The following MTAP variants were observed in gnomAD, a reference collection of about 807,000 sequenced individuals.
MTAP encodes methylthioadenosine phosphorylase.
MTAP carries 33 observed loss-of-function variants against 33.6 expected under a neutral mutation model. The observed-to-expected ratio is 0.98, with a 90% CI of 0.74 to 1.31. The LOEUF (loss-of-function observed/expected upper bound fraction) is 1.31. Among genes scored for constraint, MTAP ranks in the 40% most tolerant of loss-of-function variants. The pLI, the probability that MTAP is intolerant of heterozygous loss-of-function variation, is 0.00. For missense variants in MTAP, 367 were observed against 360.0 expected (o/e 1.02, Z -0.16); for synonymous variants, 148 against 125.7 (o/e 1.18, Z -1.19).
chr9:21,917,169 A>G (rs1320908399), intron 1 of MTAP, among the ~76,000 whole-genome samples: 1 of 152,226 alleles, frequency 6.6e-6, no homozygotes, highest in Non-Finnish European at 1.5e-5. Flanking sequence ...CAGGGGAAAT[A>G]CAAAGAGTCC....
intron 5 of MTAP, among the ~76,000 whole-genome samples, chr9:21,838,697 G>A (rs866442053): frequency 6.6e-6 from 1 of 152,228 alleles, no homozygotes; most frequent in Non-Finnish European, 1.5e-5. Flanking sequence ...GGTGGTATAA[G>A]GGGTGGAATC....
chr9:21,927,875 C>A (rs551945902), intron 1 of MTAP, among the ~76,000 whole-genome samples: 1 of 152,344 alleles, frequency 6.6e-6, no homozygotes, highest in African/African-American at 2.4e-5. Flanking sequence ...TTGGAATACT[C>A]CTATTACATA....
intron 4 of MTAP, among the ~76,000 whole-genome samples, chr9:21,837,030 A>T (rs1292641479): frequency 6.6e-6 from 1 of 152,124 alleles, no homozygotes; most frequent in Non-Finnish European, 1.5e-5. Context: ...CATCAGTTCA[A>T]ATTTAGAATA....
intron 7 of MTAP, chr9:21,859,651 A>G (rs2118556415): frequency 2.4e-6 from 1 of 410,066 alleles, no homozygotes; most frequent in East Asian, 4.2e-5. Flanking sequence ...AGAGAGTTTT[A>G]TTATCTCGTG....
intron 1 of MTAP, among the ~76,000 whole-genome samples, chr9:21,884,991 A>G (rs191506133): frequency 2.2e-4 from 34 of 152,294 alleles, no homozygotes; most frequent in Middle Eastern, 3.4e-3. Flanking sequence ...GGAAAGGGTT[A>G]TGATAGAGAA....
downstream of MTAP, among the ~76,000 whole-genome samples, chr9:21,869,310 T>A (rs977097834): frequency 2.0e-5 from 3 of 152,192 alleles, no homozygotes; most frequent in Non-Finnish European, 4.4e-5. Flanking sequence ...GGTCACCGAT[T>A]TACTGCATGT....
intron 7 of MTAP, chr9:21,860,361 C>T (rs1207887794): frequency 6.6e-6 from 1 of 152,226 alleles, no homozygotes; most frequent in Non-Finnish European, 1.5e-5. Context: ...ATACACACAG[C>T]TCTTGCAAGC....
chr9:21,919,585 TGA>T (rs1818753021), intron 1 of MTAP, among the ~76,000 whole-genome samples: 2 of 152,202 alleles, frequency 1.3e-5, no homozygotes, highest in African/African-American at 4.8e-5. Flanking sequence ...TAAAACACTG[TGA>T]GGTTCAAGGG....
intron 1 of MTAP, among the ~76,000 whole-genome samples, chr9:21,925,980 C>A (rs973936367): frequency 2.6e-5 from 4 of 152,114 alleles, no homozygotes; most frequent in Non-Finnish European, 5.9e-5. Flanking sequence ...TTTTCTCATT[C>A]ATTTTTAATG....
chr9:21,802,886 C>G (rs946544187), intron 1 of MTAP, 105 bp downstream of exon 1: 22 of 1,500,344 alleles, frequency 1.5e-5, no homozygotes, highest in Non-Finnish European at 1.9e-5. Context: ...GCCCGTGCGT[C>G]CCTTGCCGCC....
downstream of MTAP, among the ~76,000 whole-genome samples, chr9:21,868,399 T>C (rs1247912543): frequency 6.6e-6 from 1 of 152,148 alleles, no homozygotes; most frequent in East Asian, 1.9e-4. Flanking sequence ...ATGCCACATA[T>C]GTAATACTTA....
chr9:21,869,865 G>A (rs977486850), downstream of MTAP, among the ~76,000 whole-genome samples: 2 of 151,728 alleles, frequency 1.3e-5, no homozygotes, highest in Non-Finnish European at 2.9e-5. Context: ...AGAATGATCT[G>A]TACAAAATGC....
At chr9:21,842,502 A>G (rs1316379807) in intron 5 of MTAP, among the ~76,000 whole-genome samples, 3 of 152,228 alleles carry the variant, frequency 2.0e-5, no homozygotes, top group Non-Finnish European at 4.4e-5. Context: ...ACTGTGAGAC[A>G]AAAACATCAG....
intron 1 of MTAP, among the ~76,000 whole-genome samples, chr9:21,916,838 GAAA>G (rs895514474): frequency 1.3e-5 from 2 of 151,406 alleles, no homozygotes; most frequent in African/African-American, 4.9e-5. Flanking sequence ...AACTGTGAAA[GAAA>G]AAAAAATCTG....
At chr9:21,830,472 G>A (rs1467850126) in intron 4 of MTAP, among the ~76,000 whole-genome samples, 1 of 152,164 alleles carries the variant, frequency 6.6e-6, no homozygotes, top group South Asian at 2.1e-4. Context: ...AAGTCATTTG[G>A]CCACTGAGGG....
chr9:21,841,868 GT>G (rs1320592619), intron 5 of MTAP, among the ~76,000 whole-genome samples: 1 of 152,166 alleles, frequency 6.6e-6, no homozygotes, highest in Non-Finnish European at 1.5e-5. Flanking sequence ...ACAAAATGGG[GT>G]TCTGTAACAC....
At position 21,922,167 on chromosome 9, in the gene MTAP, T is replaced by A. The variant is rs1021809984; in HGVS notation, c.148-8841T>A. 2.0e-5 allele frequency among the ~76,000 whole-genome samples: 3 copies of A among 151,750 alleles called. No homozygotes were observed. Among genetic ancestry groups the A allele is most frequent in the Non-Finnish European group, 4.4e-5 (3 of 67,964 alleles). ...CAGAGTTTAACTGGTGTATGACCAGTTCCTCTAGGAACACTTGACTGGCAA... is the reference window on the plus strand; with the variant it reads ...CAGAGTTTAACTGGTGTATGACCAGATCCTCTAGGAACACTTGACTGGCAA... On this transcript the variant is annotated intron_variant, in intron 1 of 1. Transcript: ENST00000577563. This position sits in a 1 kb window ranked among gnomAD's most constrained non-coding sequence, Gnocchi z 4.8.
downstream of MTAP, among the ~76,000 whole-genome samples, chr9:21,939,229 T>G (rs1443839313): frequency 6.6e-6 from 1 of 152,236 alleles, no homozygotes; most frequent in East Asian, 1.9e-4. Context: ...GTAAGTCCAA[T>G]TAAACCTCTT....
At chr9:21,871,167 G>T (rs977830431), downstream of MTAP, among the ~76,000 whole-genome samples, 1 of 152,220 alleles carries the variant, frequency 6.6e-6, no homozygotes, top group East Asian at 1.9e-4. Flanking sequence ...TTGTTCCAGT[G>T]ATTTTGAAGC....
Sources: gnomAD v4.1 joint callset for allele counts (sites outside exome capture counted in the v4.1 genomes callset) on GRCh38, gnomAD v4.1.1 for gene constraint, Gnocchi (gnomAD v3.1) non-coding constraint, MANE v1.5 for transcripts, NCBI Gene and HGNC (gene_info 2026-07-23, HGNC 2026-07-21) for gene names.